PRKAR1B: variants seen among roughly 807,000 people sequenced by gnomAD.
PRKAR1B encodes cAMP-dependent protein kinase type I-beta regulatory subunit.
A neutral mutation model predicts 46.5 loss-of-function variants in PRKAR1B; 22 were observed. That is an observed-to-expected ratio of 0.47 (90% CI 0.34 to 0.68). The LOEUF is 0.68. PRKAR1B is among the 30% of genes least tolerant of loss of function. PRKAR1B has a pLI of 0.01. For synonymous variants in PRKAR1B, 259 were observed against 217.7 expected, an observed-to-expected ratio of 1.19 and a Z score of -1.67; for missense variants, 445 against 535.6, an observed-to-expected ratio of 0.83 and a Z score of 1.67.
At chr7:632,639 T>A (rs1043924761) in intron 4 of PRKAR1B, among the ~76,000 whole-genome samples, 1 of 152,236 alleles carries the variant, frequency 6.6e-6, no homozygotes, top group African/African-American at 2.4e-5. Flanking sequence ...CTCATGATGC[T>A]GCTGCGTGTC....
At chr7:649,151 GA>G (rs1784766565) in intron 4 of PRKAR1B, among the ~76,000 whole-genome samples, 4 of 152,222 alleles carry the variant, frequency 2.6e-5, no homozygotes, top group Non-Finnish European at 5.9e-5. Context: ...GTGACAGAGT[GA>G]GACTCCGTCT....
chr7:710,951 T>C (rs36098004), intron 2 of PRKAR1B, among the ~76,000 whole-genome samples: 3,948 of 152,184 alleles, frequency 0.026, 101 homozygotes, highest in Middle Eastern at 0.13. Flanking sequence ...AGCTATTTTA[T>C]CCCAAGTGGT....
chr7:578,917 G>C, intron 9 of PRKAR1B: 1 of 754,380 alleles, frequency 1.3e-6, no homozygotes, highest in Non-Finnish European at 1.8e-6. Context: ...CCTGACCTCA[G>C]GTGATCCACC....
intron 2 of PRKAR1B, among the ~76,000 whole-genome samples, chr7:702,996 T>TA (rs1370158705): frequency 6.6e-6 from 1 of 151,718 alleles, no homozygotes; most frequent in Non-Finnish European, 1.5e-5. Context: ...TCAAATCATA[T>TA]AAAAAAAGAA....
intron 4 of PRKAR1B, among the ~76,000 whole-genome samples, chr7:622,326 G>A (rs1210992833): frequency 2.0e-5 from 3 of 152,214 alleles, no homozygotes; most frequent in African/African-American, 7.2e-5. Context: ...AAGGACCCCC[G>A]CGCCACACAG....
At chr7:648,016 C>T (rs984882061) in intron 4 of PRKAR1B, among the ~76,000 whole-genome samples, 4 of 151,286 alleles carry the variant, frequency 2.6e-5, no homozygotes, top group South Asian at 2.1e-4. Flanking sequence ...TGTGGTGGTG[C>T]GCACCTGTGG....
At chr7:587,484 C>A (rs938380115) in intron 7 of PRKAR1B, among the ~76,000 whole-genome samples, 2 of 152,208 alleles carry the variant, frequency 1.3e-5, no homozygotes, top group African/African-American at 4.8e-5. Flanking sequence ...GCCCTGGCCC[C>A]GCCTCCAGGG....
At chr7:557,626 A>C (rs1286640447) in intron 9 of PRKAR1B, among the ~76,000 whole-genome samples, 1 of 151,964 alleles carries the variant, frequency 6.6e-6, no homozygotes, top group Non-Finnish European at 1.5e-5. Context: ...AGAATCCAGC[A>C]CTCCCACGAC....
At chr7:727,415 C>G (rs1198774889), upstream of PRKAR1B, 2 of 544,568 alleles carry the variant, frequency 3.7e-6, no homozygotes, top group Non-Finnish European at 2.6e-6. Context: ...CGGCCCCGCC[C>G]CCCTCCACGC....
intron 9 of PRKAR1B, chr7:565,532 T>C (rs531373205): frequency 1.1e-4 from 17 of 152,340 alleles, no homozygotes; most frequent in African/African-American, 3.8e-4. Context: ...AGAGAGGCTA[T>C]AAATATACGC....
In PRKAR1B at chr7:666,087, G is replaced by A. The variant is rs1335880028; in HGVS notation, c.440+11142C>T. ...CCCAACGCACAACACAAACACGCAC[G>A]GTGCCACCCAATTATCACGTTTCTC... On this transcript the variant is annotated intron_variant, in intron 4 of 10. Coordinates refer to ENST00000537384, the MANE Select transcript of PRKAR1B (RefSeq NM_001164760.2). This position sits in a 1 kb window ranked among gnomAD's most constrained non-coding sequence, Gnocchi z 4.9. Among the ~76,000 whole-genome samples the A allele has an allele frequency of 2.6e-5, 4 of 152,174 alleles. No homozygotes were observed. The highest frequency in any genetic ancestry group is 9.7e-5 in the African/African-American group (4 of 41,442).
At chr7:723,086 G>A (rs967947002) in intron 1 of PRKAR1B, among the ~76,000 whole-genome samples, 1 of 152,196 alleles carries the variant, frequency 6.6e-6, no homozygotes, top group African/African-American at 2.4e-5. Flanking sequence ...CTTTTGCTGT[G>A]TCAGGACAGA....
chr7:700,616 G>C (rs961706952), intron 2 of PRKAR1B, among the ~76,000 whole-genome samples: 3 of 152,000 alleles, frequency 2.0e-5, no homozygotes, highest in African/African-American at 7.3e-5. Flanking sequence ...TGAAGTGAAG[G>C]TGAATACTCT....
At chr7:695,253 A>G (rs1340441419) in intron 2 of PRKAR1B, among the ~76,000 whole-genome samples, 3 of 152,080 alleles carry the variant, frequency 2.0e-5, no homozygotes, top group Admixed American at 6.6e-5. Flanking sequence ...GAAAGGCAGG[A>G]TGATCTCTGC....
At chr7:629,351 A>C (rs1783598959) in intron 4 of PRKAR1B, among the ~76,000 whole-genome samples, 1 of 141,650 alleles carries the variant, frequency 7.1e-6, no homozygotes, top group Non-Finnish European at 1.5e-5. Context: ...AGGCACCACC[A>C]CCCCAAGGCT....
intron 2 of PRKAR1B, among the ~76,000 whole-genome samples, chr7:686,553 G>C (rs1277609298): frequency 6.6e-6 from 1 of 152,052 alleles, no homozygotes; most frequent in African/African-American, 2.4e-5. Context: ...CTCTCATCTA[G>C]AATATTGACA....
intron 9 of PRKAR1B, among the ~76,000 whole-genome samples, chr7:573,056 C>T (rs1018492577): frequency 6.6e-6 from 1 of 152,196 alleles, no homozygotes; most frequent in South Asian, 2.1e-4. Context: ...CTGATGCTGT[C>T]GGTGGCCGCC....
chr7:665,823 C>T (rs1785884144), intron 4 of PRKAR1B, among the ~76,000 whole-genome samples: 1 of 152,208 alleles, frequency 6.6e-6, no homozygotes, highest in African/African-American at 2.4e-5. Flanking sequence ...TTTTTCCCAT[C>T]ACCTGAGGAT....
intron 4 of PRKAR1B, among the ~76,000 whole-genome samples, chr7:641,249 G>C (rs1784371795): frequency 6.6e-6 from 1 of 152,158 alleles, no homozygotes. Context: ...ACCGCGCCCG[G>C]CCGGAAAAGA....
Sources: gnomAD v4.1 joint callset for allele counts (sites outside exome capture counted in the v4.1 genomes callset) on GRCh38, gnomAD v4.1.1 for gene constraint, Gnocchi (gnomAD v3.1) non-coding constraint, MANE v1.5 for transcripts, NCBI Gene and HGNC (gene_info 2026-07-23, HGNC 2026-07-21) for gene names.